ROPN1L: variants seen among roughly 807,000 people sequenced by gnomAD.
ROPN1L encodes the protein ropporin-1-like protein.
In ROPN1L, 23 loss-of-function variants were observed where a neutral mutation model predicts 22.7. The ratio of observed to expected loss-of-function variants is 1.01; its 90% CI spans 0.73 to 1.43. The LOEUF is 1.43. ROPN1L is among the 40% of genes most tolerant of loss of function. The pLI, the probability that ROPN1L is intolerant of heterozygous loss-of-function variation, is 0.00. For missense variants in ROPN1L, 271 were observed against 291.5 expected (o/e 0.93, Z 0.51); for synonymous variants, 116 against 117.8 (o/e 0.98, Z 0.10).
downstream of ROPN1L, among the ~76,000 whole-genome samples, chr5:10,472,401 A>C (rs1382356438): frequency 6.6e-6 from 1 of 152,238 alleles, no homozygotes; most frequent in East Asian, 1.9e-4. Context: ...CCTCCTGGCC[A>C]AAGTGATTTG....
chr5:10,468,245 TAAAGG>T (rs952952995), downstream of ROPN1L, among the ~76,000 whole-genome samples: 6 of 152,314 alleles, frequency 3.9e-5, no homozygotes, highest in African/African-American at 1.4e-4. Context: ...TAACAAAACA[TAAAGG>T]GGGATCACTC....
At chr5:10,455,586 G>A (rs1741391446) in intron 3 of ROPN1L, among the ~76,000 whole-genome samples, 1 of 151,714 alleles carries the variant, frequency 6.6e-6, no homozygotes, top group Non-Finnish European at 1.5e-5. Flanking sequence ...CCGCTGATGC[G>A]GGCCGCTGTG....
At chr5:10,473,116 A>G (rs1375312107), downstream of ROPN1L, among the ~76,000 whole-genome samples, 1 of 152,146 alleles carries the variant, frequency 6.6e-6, no homozygotes, top group African/African-American at 2.4e-5. Flanking sequence ...TGGCCTTTGC[A>G]ATTGATTTGA....
At chr5:10,452,247 T>A (rs1741278291) in intron 3 of ROPN1L, among the ~76,000 whole-genome samples, 1 of 151,438 alleles carries the variant, frequency 6.6e-6, no homozygotes, top group Non-Finnish European at 1.5e-5. Flanking sequence ...TCTGGGATTA[T>A]AGATTACAGG....
chr5:10,461,266 C>T lies in ROPN1L; in HGVS notation c.500C>T (p.Thr167Met), dbSNP rs147533644. ...EGGPARIPFK[T>M]FSYVYRYLAR... ...GGGCCCGCTCGCATCCCCTTCAAGA[C>T]GTTTTCCTACGTTTACCGCTACTTG... The change falls in exon 4 of 5, where the codon ACG (threonine) becomes ATG (methionine). Residue 167 changes from threonine to methionine, a missense_variant. Transcript: ENST00000274134. 8.2e-5 allele frequency: 132 copies of T among 1,614,118 alleles called. No homozygotes were observed. The African/African-American group carries it at 8.5e-4, about 10-fold the overall frequency.
intron 3 of ROPN1L, among the ~76,000 whole-genome samples, chr5:10,457,778 C>T (rs1056991835): frequency 5.3e-5 from 8 of 152,158 alleles, no homozygotes; most frequent in East Asian, 1.9e-4. Flanking sequence ...TGGCTTGCAG[C>T]GGCCCTTTCC....
the ROPN1L span, among the ~76,000 whole-genome samples, chr5:10,478,779 A>T: frequency 1.2e-4 from 19 of 152,328 alleles, no homozygotes; most frequent in African/African-American, 4.6e-4. Flanking sequence ...TCAAGCCAGT[A>T]AATCTTCCTC....
intron 4 of ROPN1L, among the ~76,000 whole-genome samples, chr5:10,463,728 C>T (rs140692036): frequency 6.6e-6 from 1 of 152,284 alleles, no homozygotes; most frequent in East Asian, 1.9e-4. Flanking sequence ...CAGGTCACGC[C>T]CTGACCCCTG....
chr5:10,454,129 A>AT (rs36018567), intron 3 of ROPN1L, among the ~76,000 whole-genome samples: 17 of 148,996 alleles, frequency 1.1e-4, no homozygotes, highest in Middle Eastern at 3.5e-3. Context: ...CTTTTATTTA[A>AT]TTTTTTTTTT....
At chr5:10,453,084 G>C (rs989593749) in intron 3 of ROPN1L, among the ~76,000 whole-genome samples, 4 of 152,214 alleles carry the variant, frequency 2.6e-5, no homozygotes, top group African/African-American at 9.7e-5. Context: ...CTCCAGATTT[G>C]CCCTTGACTC....
intron 3 of ROPN1L, among the ~76,000 whole-genome samples, chr5:10,456,285 G>A (rs919091101): frequency 2.6e-5 from 4 of 152,146 alleles, no homozygotes; most frequent in East Asian, 3.8e-4. Flanking sequence ...TCAGGAGTTC[G>A]GGACCAGCCT....
chr5:10,472,966 C>A (rs1735271553), downstream of ROPN1L, among the ~76,000 whole-genome samples: 1 of 152,202 alleles, frequency 6.6e-6, no homozygotes, highest in Non-Finnish European at 1.5e-5. Flanking sequence ...GAGAGGAAGG[C>A]AGAGTGCCAG....
chr5:10,463,151 CT>C (rs961100459), intron 4 of ROPN1L, among the ~76,000 whole-genome samples: 6 of 152,328 alleles, frequency 3.9e-5, no homozygotes, highest in Admixed American at 3.3e-4. Flanking sequence ...TGATGTAAGG[CT>C]GGTTCTGCTC....
chr5:10,466,970 C>T (rs1243535472), downstream of ROPN1L, among the ~76,000 whole-genome samples: 1 of 152,120 alleles, frequency 6.6e-6, no homozygotes, highest in South Asian at 2.1e-4. Flanking sequence ...TCCGTGTCCT[C>T]GTTTCCTCTT....
chr5:10,442,373 G>A, intron 1 of ROPN1L, 75 bp downstream of exon 1: 1 of 1,574,906 alleles, frequency 6.3e-7, no homozygotes, highest in Non-Finnish European at 8.6e-7. Context: ...CCTCCTCCCG[G>A]ACCAGGGGCC....
downstream of ROPN1L, among the ~76,000 whole-genome samples, chr5:10,475,390 C>T (rs1735304771): frequency 6.6e-6 from 1 of 152,134 alleles, no homozygotes; most frequent in South Asian, 2.1e-4. Context: ...CCCTATTGTC[C>T]TTACTGATTA....
At chr5:10,449,127 A>ACAC (rs1741171767) in intron 2 of ROPN1L, among the ~76,000 whole-genome samples, 1 of 152,274 alleles carries the variant, frequency 6.6e-6, no homozygotes, top group Non-Finnish European at 1.5e-5. Flanking sequence ...TGAATGGTGT[A>ACAC]GCTTGCGAAA....
At chr5:10,479,383 C>T in the ROPN1L span, 1 of 152,220 alleles carries the variant, frequency 6.6e-6, no homozygotes, top group Admixed American at 6.5e-5. Flanking sequence ...TTAGAATGGG[C>T]GCTCAGGCTT....
intron 3 of ROPN1L, among the ~76,000 whole-genome samples, chr5:10,451,512 T>G (rs1201811750): frequency 6.6e-6 from 1 of 152,244 alleles, no homozygotes; most frequent in Non-Finnish European, 1.5e-5. Context: ...GTCAGTAATT[T>G]TCTGAAATTT....
Sources: allele counts gnomAD v4.1 joint callset (sites outside exome capture counted in the v4.1 genomes callset), GRCh38; gene constraint gnomAD v4.1.1; transcripts MANE v1.5; gene names NCBI Gene and HGNC (gene_info 2026-07-23, HGNC 2026-07-21).